Variants in SUMF1 observed in about 807,000 individuals in gnomAD.
SUMF1 encodes the protein sulfatase modifying factor 1, also known as formylglycine-generating enzyme.
Under a neutral mutation model 47.6 loss-of-function variants are expected in SUMF1, and 48 were observed. That is an observed-to-expected ratio of 1.01 (90% CI 0.80 to 1.28). The LOEUF (loss-of-function observed/expected upper bound fraction) is 1.28. Ranked by LOEUF, SUMF1 falls within the 50% of genes most tolerant of loss-of-function variation. The pLI, the probability that SUMF1 is intolerant of heterozygous loss-of-function variation, is 0.00. For missense variants in SUMF1, 571 were observed against 485.4 expected (o/e 1.18, Z -1.66); for synonymous variants, 230 against 192.1 (o/e 1.20, Z -1.63).
chr3:4,234,400 T>G (rs1696364882), intron 8 of SUMF1, among the ~76,000 whole-genome samples: 1 of 152,114 alleles, frequency 6.6e-6, no homozygotes. Context: ...TTAAATGTTT[T>G]CTTTCATGTT....
chr3:4,037,549 C>A (rs1694821249), intron 9 of SUMF1, among the ~76,000 whole-genome samples: 1 of 152,144 alleles, frequency 6.6e-6, no homozygotes, highest in Admixed American at 6.5e-5. Flanking sequence ...TCTGTCAACT[C>A]CTGTATCATT....
intron 9 of SUMF1, among the ~76,000 whole-genome samples, chr3:4,062,995 A>T (rs1695300103): frequency 6.6e-6 from 1 of 152,154 alleles, no homozygotes; most frequent in Non-Finnish European, 1.5e-5. Context: ...GGAAGGAAAG[A>T]TGTCCTGATA....
chr3:4,186,685 C>G (rs1444059), intron 8 of SUMF1, among the ~76,000 whole-genome samples: 51,255 of 151,926 alleles, frequency 0.34, 8,781 homozygotes, highest in East Asian at 0.4. Flanking sequence ...CAAATTTTGG[C>G]TTGCATACTA....
At chr3:4,063,267 C>T (rs1299556047) in intron 9 of SUMF1, among the ~76,000 whole-genome samples, 1 of 152,028 alleles carries the variant, frequency 6.6e-6, no homozygotes, top group Non-Finnish European at 1.5e-5. Flanking sequence ...ACAACCCAGA[C>T]CACTATAACT....
chr3:4,192,337 T>C (rs115312978), intron 8 of SUMF1, among the ~76,000 whole-genome samples: 1,715 of 152,278 alleles, frequency 0.011, 18 homozygotes, highest in Middle Eastern at 0.027. Context: ...TCTTGGCCTA[T>C]TTCTCCATTT....
intron 8 of SUMF1, among the ~76,000 whole-genome samples, chr3:4,148,121 T>G (rs184294393): frequency 1.6e-4 from 25 of 152,292 alleles, no homozygotes. Context: ...ACCCACTCCT[T>G]TGAACAAACA....
intron 7 of SUMF1, among the ~76,000 whole-genome samples, chr3:4,398,304 A>T (rs1054643825): frequency 1.3e-5 from 2 of 152,164 alleles, no homozygotes; most frequent in African/African-American, 4.8e-5. Flanking sequence ...GCTTGCCAGT[A>T]AATTTTGCTG....
At chr3:4,085,481 A>G (rs1418937649) in intron 8 of SUMF1, among the ~76,000 whole-genome samples, 1 of 152,090 alleles carries the variant, frequency 6.6e-6, no homozygotes, top group Non-Finnish European at 1.5e-5. Flanking sequence ...TGAACTATTA[A>G]GTACATCTCT....
intron 1 of SUMF1, among the ~76,000 whole-genome samples, chr3:4,461,417 TAA>T (rs1384568967): frequency 6.6e-6 from 1 of 152,228 alleles, no homozygotes; most frequent in East Asian, 1.9e-4. Context: ...AGAGATTTCA[TAA>T]AAGACTTAAA....
At chr3:4,373,396 T>C (rs906505732) in intron 8 of SUMF1, among the ~76,000 whole-genome samples, 2 of 151,890 alleles carry the variant, frequency 1.3e-5, no homozygotes, top group Admixed American at 6.6e-5. Flanking sequence ...TACTAGAATG[T>C]ACTCAAGAAG....
At chr3:4,459,527 T>C (rs1282564225) in intron 1 of SUMF1, among the ~76,000 whole-genome samples, 1 of 152,246 alleles carries the variant, frequency 6.6e-6, no homozygotes, top group Non-Finnish European at 1.5e-5. Flanking sequence ...CTTTCCTTGC[T>C]GGTGGCTGCT....
chr3:4,259,411 G>C (rs13087536), intron 8 of SUMF1, among the ~76,000 whole-genome samples: 59,618 of 151,970 alleles, frequency 0.39, 12,182 homozygotes, highest in Non-Finnish European at 0.45. Context: ...AGCATTTAGG[G>C]AATCTGCAGT....
At position 4,264,748 on chromosome 3, in the gene SUMF1, G is replaced by A. The variant is rs149613767; in HGVS notation, c.1014+111582C>T. Among the ~76,000 whole-genome samples, 270 of 152,216 alleles carry A rather than the reference G, an allele frequency of 1.8e-3. 1 individual carries two copies. The highest frequency in any genetic ancestry group is 6.4e-3 in the African/African-American group (264 of 41,530). ...GGGAGGATAGCCTGGACTCTCTCAG[G>A]CTATAAAAGTGACATTTAACTACCT... On this transcript the variant is annotated intron_variant and NMD_transcript_variant, in intron 8 of 12. Coordinates refer to the SUMF1 transcript ENST00000448413.
chr3:4,171,816 G>C (rs2125124195), intron 8 of SUMF1, among the ~76,000 whole-genome samples: 1 of 152,300 alleles, frequency 6.6e-6, no homozygotes, highest in East Asian at 1.9e-4. Flanking sequence ...CACAAGCTAA[G>C]TTCAGGAAAA....
Position 4,139,088 on chromosome 3 carries a change from A to G in SUMF1, c.1015-70343T>C, listed in dbSNP as rs565815267. On this transcript the variant is annotated intron_variant and NMD_transcript_variant, in intron 8 of 12. Transcript: ENST00000448413. ...TTAATTTATTATTTTCCTAATAACA[A>G]AACTATTAATAATACAGATTAAACA... Among the ~76,000 whole-genome samples, 6 of 152,272 alleles carry G rather than the reference A, an allele frequency of 3.9e-5. No homozygotes were observed. In the East Asian group the frequency reaches 1.2e-3, roughly 29 times the overall value.
At chr3:4,237,103 C>T (rs979605136) in intron 8 of SUMF1, among the ~76,000 whole-genome samples, 4 of 152,116 alleles carry the variant, frequency 2.6e-5, no homozygotes, top group Admixed American at 1.3e-4. Context: ...AATAATATCA[C>T]ATCATAGGGA....
intron 9 of SUMF1, among the ~76,000 whole-genome samples, chr3:4,061,120 T>C (rs1695270678): frequency 1.3e-5 from 2 of 152,238 alleles, no homozygotes; most frequent in South Asian, 4.1e-4. Flanking sequence ...AAAGAATAAT[T>C]TGAGAATTGG....
chr3:4,205,805 C>G (rs1365357952), intron 8 of SUMF1, among the ~76,000 whole-genome samples: 3 of 152,070 alleles, frequency 2.0e-5, no homozygotes, highest in African/African-American at 7.2e-5. Flanking sequence ...GCTGACCTAC[C>G]TGGAGTTGGG....
intron 3 of SUMF1, among the ~76,000 whole-genome samples, chr3:4,442,950 CAAAAAAA>C (rs776278067): frequency 1.7e-5 from 2 of 121,174 alleles, no homozygotes; most frequent in African/African-American, 5.9e-5. Context: ...AAGAAATGCT[CAAAAAAA>C]AAAAAAAATC....
Sources: allele counts gnomAD v4.1 joint callset (sites outside exome capture counted in the v4.1 genomes callset), GRCh38; gene constraint gnomAD v4.1.1; transcripts MANE v1.5; gene names NCBI Gene and HGNC (gene_info 2026-07-23, HGNC 2026-07-21).